Variants in OR2L13 observed in about 807,000 individuals in gnomAD.
OR2L13 encodes olfactory receptor 2L13.
A neutral mutation model predicts 15.3 loss-of-function variants in OR2L13; 14 were observed. The ratio of observed to expected loss-of-function variants is 0.91; its 90% CI spans 0.60 to 1.43. The LOEUF is 1.43. OR2L13 is among the 40% of genes most tolerant of loss of function. OR2L13 has a pLI of 0.00. For synonymous variants in OR2L13, 152 were observed against 142.9 expected (o/e 1.06, Z -0.45); for missense variants, 367 against 387.9 (o/e 0.95, Z 0.45).
the OR2L13 span, among the ~76,000 whole-genome samples, chr1:248,019,604 A>G: frequency 6.6e-6 from 1 of 152,168 alleles, no homozygotes; most frequent in African/African-American, 2.4e-5. Context: ...AGTTTTTCAA[A>G]CACTGTTTAT....
the OR2L13 span, chr1:247,990,361 TC>T: frequency 6.5e-7 from 1 of 1,546,250 alleles, no homozygotes; most frequent in Non-Finnish European, 8.9e-7. Flanking sequence ...CTCATTAATT[TC>T]GTTTTCCTAA....
the OR2L13 span, among the ~76,000 whole-genome samples, chr1:248,067,658 C>T: frequency 2.0e-5 from 3 of 152,166 alleles, no homozygotes; most frequent in African/African-American, 7.2e-5. Context: ...ACAGTGGGTG[C>T]AGCGCACCGT....
At chr1:248,065,469 A>G in the OR2L13 span, among the ~76,000 whole-genome samples, 5 of 151,146 alleles carry the variant, frequency 3.3e-5, no homozygotes, top group Non-Finnish European at 4.4e-5. Flanking sequence ...GTTTTAGGGT[A>G]CATGTGCACA....
upstream of OR2L13, among the ~76,000 whole-genome samples, chr1:248,096,311 A>G (rs1176275590): frequency 6.6e-6 from 1 of 151,630 alleles, no homozygotes; most frequent in Non-Finnish European, 1.5e-5. Flanking sequence ...TGAACCCGGG[A>G]GGCGGAGCTT....
At chr1:247,976,809 C>T in the OR2L13 span, among the ~76,000 whole-genome samples, 1 of 152,300 alleles carries the variant, frequency 6.6e-6, no homozygotes, top group Admixed American at 6.5e-5. Flanking sequence ...TTCTCTTCAT[C>T]TTAAGTTGAA....
the OR2L13 span, chr1:248,003,591 A>G: frequency 2.5e-6 from 4 of 1,612,184 alleles, no homozygotes; most frequent in Non-Finnish European, 2.5e-6. Flanking sequence ...GGCTCGATCA[A>G]TGCTTGTGCT....
chr1:247,974,838 A>G, the OR2L13 span: 1 of 234,322 alleles, frequency 4.3e-6, no homozygotes, highest in South Asian at 8.0e-5. Context: ...CCTTGTTCTC[A>G]TTTTGCTATT....
At chr1:248,062,418 T>C in the OR2L13 span, 3 of 151,680 alleles carry the variant, frequency 2.0e-5, no homozygotes, top group African/African-American at 7.2e-5. Flanking sequence ...TTGAAGACAC[T>C]GTCTTTTTCC....
chr1:248,042,547 AAAAAAC>A, the OR2L13 span, among the ~76,000 whole-genome samples: 1 of 152,020 alleles, frequency 6.6e-6, no homozygotes, highest in African/African-American at 2.4e-5. Flanking sequence ...GCAAAAAAAC[AAAAAAC>A]AAAAACAAAC....
upstream of OR2L13, among the ~76,000 whole-genome samples, chr1:248,095,919 T>G (rs1413303967): frequency 6.6e-6 from 1 of 151,892 alleles, no homozygotes; most frequent in Non-Finnish European, 1.5e-5. Flanking sequence ...AACTGCTTTT[T>G]ATACCACTAT....
rs148116065 is a variant in OR2L13, at chr1:248,099,532, C to T, written c.157C>T (p.Arg53Cys). The change falls in exon 3 of 3, where the codon CGT becomes TGT. Residue 53 changes from arginine (R) to cysteine (C), a missense_variant. Transcript: ENST00000641714. ...GATTCACCTCATCCACGTGGATCCT[C>T]GTCTCCACACACCGATGTACTTTCT... The T allele has an allele frequency of 1.8e-4, 286 of 1,614,000 alleles. 1 individual carries two copies. In the East Asian group the frequency reaches 6.0e-3, roughly 34 times the overall value.
chr1:247,976,052 T>G, the OR2L13 span, among the ~76,000 whole-genome samples: 1 of 152,186 alleles, frequency 6.6e-6, no homozygotes, highest in Non-Finnish European at 1.5e-5. Context: ...GTATTGTATT[T>G]TCTCTCAACC....
chr1:247,948,891 A>T, the OR2L13 span: 1 of 1,611,884 alleles, frequency 6.2e-7, no homozygotes. Context: ...AACTGATTTC[A>T]TCTTATTGGG....
At chr1:248,054,437 C>G in the OR2L13 span, among the ~76,000 whole-genome samples, 3 of 151,886 alleles carry the variant, frequency 2.0e-5, no homozygotes, top group Non-Finnish European at 4.4e-5. Context: ...TTTTTTGGTT[C>G]CATATGATTT....
the OR2L13 span, among the ~76,000 whole-genome samples, chr1:248,052,917 G>C: frequency 1.3e-5 from 2 of 151,280 alleles, no homozygotes; most frequent in Admixed American, 1.3e-4. Flanking sequence ...TTTTGGCTTT[G>C]TACACTTTTT....
the OR2L13 span, among the ~76,000 whole-genome samples, chr1:248,002,615 T>C: frequency 2.0e-5 from 3 of 152,188 alleles, no homozygotes; most frequent in Non-Finnish European, 2.9e-5. Context: ...TCCCAGCACT[T>C]TGGGAGGCCC....
chr1:248,001,314 C>T, the OR2L13 span, among the ~76,000 whole-genome samples: 1 of 151,930 alleles, frequency 6.6e-6, no homozygotes, highest in East Asian at 1.9e-4. Flanking sequence ...ACGCCTCCCT[C>T]CTTCCTTTCA....
chr1:247,993,432 G>A, the OR2L13 span, among the ~76,000 whole-genome samples: 1 of 151,140 alleles, frequency 6.6e-6, no homozygotes, highest in Non-Finnish European at 1.5e-5. Flanking sequence ...TCCTCAGGTA[G>A]AGGAATAAGT....
chr1:248,016,849 C>G, the OR2L13 span, among the ~76,000 whole-genome samples: 6 of 151,940 alleles, frequency 3.9e-5, no homozygotes, highest in East Asian at 1.2e-3. Flanking sequence ...TAGAGAAGTT[C>G]ACTTACAACC....
Sources: gnomAD v4.1 joint callset for allele counts (sites outside exome capture counted in the v4.1 genomes callset) on GRCh38, gnomAD v4.1.1 for gene constraint, MANE v1.5 for transcripts, NCBI Gene and HGNC (gene_info 2026-07-23, HGNC 2026-07-21) for gene names.